The following ZNF257 variants were observed in gnomAD, a reference collection of about 807,000 sequenced individuals.
ZNF257 encodes the protein zinc finger protein 257.
A neutral mutation model predicts 11.9 loss-of-function variants in ZNF257; 12 were observed. The observed-to-expected ratio is 1.01, with a 90% CI of 0.65 to 1.63. The LOEUF (loss-of-function observed/expected upper bound fraction) is 1.63, where lower values mean the gene tolerates loss of function less well. ZNF257 is among the 40% of genes most tolerant of loss of function. The pLI is 0.00. For missense variants in ZNF257, 580 were observed against 665.5 expected (o/e 0.87, Z 1.41); for synonymous variants, 183 against 222.7 (o/e 0.82, Z 1.59).
intron 3 of ZNF257, among the ~76,000 whole-genome samples, chr19:22,081,562 TC>T (rs946601610): frequency 1.6e-4 from 25 of 152,118 alleles, no homozygotes; most frequent in African/African-American, 6.0e-4. Context: ...AGATTCTCAC[TC>T]TGTCAGCCAG....
chr19:22,052,609 C>G lies in ZNF257; in HGVS notation c.-24C>G, dbSNP rs1299991212. ...TATTGGGAGATCCCCAGCTAAGACG[C>G]CAGGTCCTCCTGGAAGCCTAGAAAT... On this transcript the variant is annotated 5_prime_UTR_variant, in exon 1 of 4. Coordinates refer to ENST00000594947, the MANE Select transcript of ZNF257 (RefSeq NM_033468.4). 6.2e-7 allele frequency: 1 copy of G among 1,606,364 alleles called. No homozygotes were observed. The highest frequency in any genetic ancestry group is 8.5e-7 in the Non-Finnish European group (1 of 1,175,278).
At chr19:22,091,460 C>CAAAAAAAAAAAAAAAAAAAAAAAA in exon 4 of ZNF257, 1 of 93,010 alleles carries the variant, frequency 1.1e-5, no homozygotes, top group Non-Finnish European at 2.1e-5. Context: ...GACTTCGTCT[C>CAAAAAAAAAAAAAAAAAAAAAAAA]AAAAAAAAAA....
At chr19:22,074,703 T>C (rs1281365221) in intron 3 of ZNF257, 1 of 151,846 alleles carries the variant, frequency 6.6e-6, no homozygotes, top group African/African-American at 2.4e-5. Context: ...TTGTCTATTT[T>C]ACCAGATAGT....
chr19:22,072,496 C>T (rs185829525), intron 1 of ZNF257, among the ~76,000 whole-genome samples: 1,418 of 138,754 alleles, frequency 0.01, 16 homozygotes, highest in African/African-American at 0.017. Context: ...AAACTCAAAA[C>T]AAAACAAAAA....
Position 22,089,835 on chromosome 19 carries a change from TATAAG to T in ZNF257, c.*396_*400del, listed in dbSNP as rs1362538988. On this transcript the variant is annotated 3_prime_UTR_variant, in exon 4 of 4. Transcript: ENST00000594947. ...TAATAAGTCCTCAATTCTTAACAGA[TATAAG>T]ATGTTTCATACTGGAGCGAAACTAC... is the stretch of plus-strand genomic sequence containing the variant. 9.5e-6 allele frequency: 2 copies of T among 210,214 alleles called. No individual in the cohort carries two copies. The highest frequency in any genetic ancestry group is 2.0e-5 in the Non-Finnish European group (2 of 102,140). The allele number at this position is 210,214 out of a possible 1,614,324, so 13.0% of individuals were successfully genotyped here.
At chr19:22,065,795 A>G (rs780462106) in intron 1 of ZNF257, 12 of 152,212 alleles carry the variant, frequency 7.9e-5, no homozygotes, top group Non-Finnish European at 1.5e-4. Context: ...ATATTCTACT[A>G]TATGAACAGA....
At chr19:22,068,305 G>A (rs765523877) in intron 1 of ZNF257, among the ~76,000 whole-genome samples, 8 of 151,884 alleles carry the variant, frequency 5.3e-5, no homozygotes, top group Non-Finnish European at 8.8e-5. Flanking sequence ...GTGTTGCCTC[G>A]GGTTTTTCTT....
chr19:22,055,850 G>A (rs2021618037), intron 1 of ZNF257, among the ~76,000 whole-genome samples: 1 of 152,044 alleles, frequency 6.6e-6, no homozygotes, highest in Non-Finnish European at 1.5e-5. Flanking sequence ...AGGATCATTA[G>A]GTCAGGAGAT....
At position 22,080,857 on chromosome 19, in the gene ZNF257, AATTAT is replaced by A. The variant is rs142369824; in HGVS notation, c.227-7112_227-7108del. 4.3e-3 allele frequency among the ~76,000 whole-genome samples: 640 copies of A among 149,442 alleles called. 5 individuals are homozygous for A. Among genetic ancestry groups the A allele is most frequent in the African/African-American group, 0.015 (613 of 41,016 alleles). On this transcript the variant is annotated intron_variant, in intron 3 of 3. Transcript: ENST00000594947. ...AGATAAGTATTTTATTAAATACATT[AATTAT>A]ATTATATATCTATATAGTTGGTTTT...
intron 3 of ZNF257, among the ~76,000 whole-genome samples, chr19:22,086,341 G>A (rs77486870): frequency 0.013 from 1,920 of 151,932 alleles, 24 homozygotes; most frequent in Admixed American, 0.04. Flanking sequence ...ATCTGCCCTC[G>A]ACTTTGTTAT....
chr19:22,070,092 T>C (rs535670867), intron 1 of ZNF257, among the ~76,000 whole-genome samples: 1 of 152,044 alleles, frequency 6.6e-6, no homozygotes, highest in South Asian at 2.1e-4. Context: ...CACAGTTTTC[T>C]GAAATCCAAA....
At chr19:22,073,016 T>A in intron 2 of ZNF257, 81 bp downstream of exon 2, 1 of 1,388,314 alleles carries the variant, frequency 7.2e-7, no homozygotes, top group Non-Finnish European at 9.6e-7. Context: ...GTAGAATGTT[T>A]TTTGGTAATT....
At chr19:22,054,542 A>G (rs2021574659) in intron 1 of ZNF257, among the ~76,000 whole-genome samples, 1 of 152,164 alleles carries the variant, frequency 6.6e-6, no homozygotes, top group South Asian at 2.1e-4. Flanking sequence ...CACATTATCA[A>G]TTATTCATCC....
intron 1 of ZNF257, among the ~76,000 whole-genome samples, chr19:22,056,076 AGAATT>A (rs1384781567): frequency 2.6e-5 from 4 of 151,610 alleles, no homozygotes; most frequent in Non-Finnish European, 4.4e-5. Context: ...AAAAAAGAAA[AGAATT>A]GTTTTCACTT....
At chr19:22,066,962 A>G (rs777423975) in intron 1 of ZNF257, among the ~76,000 whole-genome samples, 4 of 152,104 alleles carry the variant, frequency 2.6e-5, no homozygotes, top group Admixed American at 6.6e-5. Context: ...GGCTGTAGAA[A>G]GTTTTTCTTT....
At chr19:22,087,241 A>G (rs1227476959) in intron 3 of ZNF257, among the ~76,000 whole-genome samples, 1 of 152,032 alleles carries the variant, frequency 6.6e-6, no homozygotes, top group African/African-American at 2.4e-5. Context: ...TTAAAAAAAA[A>G]AAGGCTACCT....
chr19:22,066,903 T>C (rs1599663992), intron 1 of ZNF257, among the ~76,000 whole-genome samples: 1 of 152,238 alleles, frequency 6.6e-6, no homozygotes, highest in East Asian at 1.9e-4. Flanking sequence ...TCTAGGTTAA[T>C]TGTGTAATAA....
At chr19:22,066,235 T>C (rs2021941546) in intron 1 of ZNF257, 1 of 152,930 alleles carries the variant, frequency 6.5e-6, no homozygotes, top group African/African-American at 2.4e-5. Flanking sequence ...CTTGGAGTGA[T>C]CTCTACCGAG....
chr19:22,068,358 A>G lies in ZNF257; in HGVS notation c.4-4451A>G, dbSNP rs575286199. 3.9e-5 allele frequency among the ~76,000 whole-genome samples: 6 copies of G among 152,200 alleles called. No individual in the cohort carries two copies. The East Asian group carries it at 1.2e-3, about 29-fold the overall frequency. On this transcript the variant is annotated intron_variant, in intron 1 of 3. Coordinates refer to ENST00000594947, the MANE Select transcript of ZNF257 (RefSeq NM_033468.4). The stretch of plus-strand genomic sequence containing the variant: ...CTTAGGATGTGCTAGAACAGCCTCT[A>G]GGAGAACATCTCTCTTTGATTGTAC...
Sources: allele counts gnomAD v4.1 joint callset (sites outside exome capture counted in the v4.1 genomes callset), GRCh38; gene constraint gnomAD v4.1.1; transcripts MANE v1.5; gene names NCBI Gene and HGNC (gene_info 2026-07-23, HGNC 2026-07-21).